The following DCLK1 variants were observed in gnomAD, a reference collection of about 807,000 sequenced individuals.
The protein encoded by DCLK1 is serine/threonine-protein kinase DCLK1.
In DCLK1, 16 loss-of-function variants were observed where a neutral mutation model predicts 86.2. That is an observed-to-expected ratio of 0.19 (90% confidence interval 0.13 to 0.28). DCLK1 has a LOEUF of 0.28. DCLK1 is among the 10% of genes least tolerant of loss of function. The pLI, the probability that DCLK1 is intolerant of heterozygous loss-of-function variation, is 1.00. For synonymous variants in DCLK1, 369 were observed against 370.5 expected (o/e 1.00, Z 0.05); for missense variants, 590 against 940.2 (o/e 0.63, Z 4.87).
At chr13:36,120,105 AT>A (rs1885931912) in intron 2 of DCLK1, among the ~76,000 whole-genome samples, 1 of 152,178 alleles carries the variant, frequency 6.6e-6, no homozygotes, top group East Asian at 1.9e-4. Context: ...CCATTAAAAT[AT>A]TTTTTAAGTG....
intron 3 of DCLK1, among the ~76,000 whole-genome samples, chr13:36,069,825 T>C (rs143106005): frequency 4.9e-4 from 75 of 152,318 alleles, no homozygotes; most frequent in African/African-American, 1.8e-3. Context: ...CCACAATGCA[T>C]ATAATCTAAA....
chr13:35,860,884 A>G (rs2153112219), intron 5 of DCLK1, among the ~76,000 whole-genome samples: 1 of 152,310 alleles, frequency 6.6e-6, no homozygotes, highest in African/African-American at 2.4e-5. Context: ...TGGGCTTTAG[A>G]CAGCTGAAGA....
chr13:35,854,142 C>T (rs1165793308), intron 6 of DCLK1, among the ~76,000 whole-genome samples: 1 of 152,316 alleles, frequency 6.6e-6, no homozygotes, highest in Middle Eastern at 3.4e-3. Context: ...CCCTCCCCTC[C>T]ATTCACAGCA....
intron 3 of DCLK1, among the ~76,000 whole-genome samples, chr13:36,080,660 G>C (rs1884391276): frequency 2.0e-5 from 3 of 152,240 alleles, no homozygotes; most frequent in African/African-American, 7.2e-5. Flanking sequence ...GCCTGCCTTT[G>C]ATTTTGAGTT....
chr13:35,975,366 C>A (rs1282630884), intron 3 of DCLK1, among the ~76,000 whole-genome samples: 1 of 152,174 alleles, frequency 6.6e-6, no homozygotes, highest in Non-Finnish European at 1.5e-5. Flanking sequence ...CATTTCATGG[C>A]ACCATCTAGC....
intron 3 of DCLK1, among the ~76,000 whole-genome samples, chr13:36,103,011 C>T (rs908587462): frequency 1.3e-5 from 2 of 152,166 alleles, no homozygotes; most frequent in African/African-American, 2.4e-5. Flanking sequence ...TGTGCAGACT[C>T]ATGTGAAGGT....
chr13:35,902,485 T>C (rs1695235392), intron 4 of DCLK1, among the ~76,000 whole-genome samples: 1 of 152,010 alleles, frequency 6.6e-6, no homozygotes, highest in African/African-American at 2.4e-5. Context: ...AGGAAAATGG[T>C]AGAGGTGATT....
chr13:35,976,370 C>CAGT (rs760975332), intron 3 of DCLK1, among the ~76,000 whole-genome samples: 2 of 151,984 alleles, frequency 1.3e-5, no homozygotes, highest in Non-Finnish European at 2.9e-5. Context: ...GAGGCTGGCA[C>CAGT]AGTGCTCACC....
chr13:35,857,317 T>C (rs1871118884), intron 5 of DCLK1, among the ~76,000 whole-genome samples: 1 of 152,174 alleles, frequency 6.6e-6, no homozygotes, highest in African/African-American at 2.4e-5. Context: ...TTTAAGATGC[T>C]AATGAGACAT....
chr13:35,820,005 G>T (rs562022849), intron 11 of DCLK1, among the ~76,000 whole-genome samples: 2 of 152,154 alleles, frequency 1.3e-5, no homozygotes, highest in Non-Finnish European at 2.9e-5. Flanking sequence ...GAACCGCTTG[G>T]TTTTGAACTT....
At chr13:36,038,317 T>C (rs1882580807) in intron 3 of DCLK1, among the ~76,000 whole-genome samples, 3 of 152,154 alleles carry the variant, frequency 2.0e-5, no homozygotes, top group Non-Finnish European at 2.9e-5. Context: ...CCGGAGATGG[T>C]TCGGTCTTCC....
intron 16 of DCLK1, among the ~76,000 whole-genome samples, chr13:35,781,193 G>T (rs536309224): frequency 3.3e-5 from 5 of 152,158 alleles, no homozygotes; most frequent in African/African-American, 9.7e-5. Context: ...GTCACCCCAC[G>T]TCTCTATGCT....
chr13:35,905,757 C>T (rs1001220431), intron 4 of DCLK1, among the ~76,000 whole-genome samples: 1 of 151,898 alleles, frequency 6.6e-6, no homozygotes, highest in African/African-American at 2.4e-5. Context: ...ACCAGTCTGG[C>T]CAACATGGTG....
intron 3 of DCLK1, among the ~76,000 whole-genome samples, chr13:35,997,657 G>T (rs1053014447): frequency 1.3e-5 from 2 of 152,108 alleles, no homozygotes; most frequent in Admixed American, 6.5e-5. Flanking sequence ...TCCAACTATG[G>T]TTGTAAGTCA....
At position 35,912,756 on chromosome 13, in the gene DCLK1, G is replaced by A. The variant is rs147680735; in HGVS notation, c.823+34602C>T. 1.4e-3 allele frequency among the ~76,000 whole-genome samples: 216 copies of A among 152,250 alleles called. 1 individual carries two copies. The highest frequency in any genetic ancestry group is 2.2e-4 in the Non-Finnish European group (15 of 68,040). On this transcript the variant is annotated intron_variant, in intron 4 of 16. Coordinates refer to ENST00000360631, the MANE Select transcript of DCLK1 (RefSeq NM_001330071.2). Reference sequence around the variant, plus strand: ...AGTACCCAAAAAAAGCTATCACAGTGGCCCTTTGCCCTCACTGGCAGAGGG... The same window carrying A: ...AGTACCCAAAAAAAGCTATCACAGTAGCCCTTTGCCCTCACTGGCAGAGGG...
intron 3 of DCLK1, among the ~76,000 whole-genome samples, chr13:35,982,385 GAAAGA>G (rs1161350092): frequency 7.6e-6 from 1 of 131,230 alleles, no homozygotes; most frequent in African/African-American, 2.8e-5. Flanking sequence ...TATTTCAAGA[GAAAGA>G]AAAGAAAAGA....
chr13:35,832,477 T>A (rs1869034421), intron 8 of DCLK1, among the ~76,000 whole-genome samples: 1 of 152,136 alleles, frequency 6.6e-6, no homozygotes, highest in Admixed American at 6.5e-5. Context: ...TTCATGGCAA[T>A]CCTTGTTTGT....
At chr13:35,987,001 G>A (rs186944555) in intron 3 of DCLK1, among the ~76,000 whole-genome samples, 2 of 152,198 alleles carry the variant, frequency 1.3e-5, no homozygotes, top group African/African-American at 4.8e-5. Flanking sequence ...TAATGCTCTT[G>A]TAAAAGCTCC....
chr13:36,074,895 C>G (rs1344022574), intron 3 of DCLK1, among the ~76,000 whole-genome samples: 1 of 152,154 alleles, frequency 6.6e-6, no homozygotes, highest in African/African-American at 2.4e-5. Flanking sequence ...TCCAAGGAAA[C>G]CAGAAAGCCC....
Sources: gnomAD v4.1 joint callset for allele counts (sites outside exome capture counted in the v4.1 genomes callset) on GRCh38, gnomAD v4.1.1 for gene constraint, MANE v1.5 for transcripts, NCBI Gene and HGNC (gene_info 2026-07-23, HGNC 2026-07-21) for gene names.